TACR3: variants seen among roughly 807,000 people sequenced by gnomAD.
TACR3 encodes the protein neuromedin-K receptor.
A neutral mutation model predicts 35.0 loss-of-function variants in TACR3; 34 were observed. The observed-to-expected ratio is 0.97, with a 90% CI of 0.74 to 1.30. TACR3 has a LOEUF of 1.30. TACR3 is among the 50% of genes most tolerant of loss of function. The probability of loss-of-function intolerance (pLI) is 0.00; values close to 1 mark genes in which losing one functional copy is unlikely to be tolerated. For missense variants in TACR3, 558 were observed against 591.7 expected, an observed-to-expected ratio of 0.94 and a Z score of 0.59; for synonymous variants, 233 against 221.1, an observed-to-expected ratio of 1.05 and a Z score of -0.48.
chr4:103,674,977 G>A (rs1245247719), intron 1 of TACR3, among the ~76,000 whole-genome samples: 1 of 152,116 alleles, frequency 6.6e-6, no homozygotes, highest in Non-Finnish European at 1.5e-5. Flanking sequence ...AAGAATGAAT[G>A]GCTTCAGAAG....
chr4:103,627,629 C>T (rs531289561), intron 3 of TACR3, among the ~76,000 whole-genome samples: 4 of 152,016 alleles, frequency 2.6e-5, no homozygotes, highest in Non-Finnish European at 4.4e-5. Context: ...TACAGGAGCA[C>T]CCAGATTCAT....
intron 3 of TACR3, among the ~76,000 whole-genome samples, chr4:103,616,752 G>T (rs1724669925): frequency 6.6e-6 from 1 of 152,100 alleles, no homozygotes; most frequent in Non-Finnish European, 1.5e-5. Flanking sequence ...TTTGAGACCA[G>T]CCTGAGCAAC....
intron 3 of TACR3, among the ~76,000 whole-genome samples, chr4:103,615,763 C>G (rs921989065): frequency 8.5e-5 from 13 of 152,162 alleles, no homozygotes; most frequent in African/African-American, 3.1e-4. Context: ...AGTACACAGA[C>G]TCTAATGGCA....
At position 103,589,569 on chromosome 4, in the gene TACR3, A is replaced by T. The variant is rs2110281901; in HGVS notation, c.*113T>A. 1 of 1,249,834 alleles carries T rather than the reference A, an allele frequency of 8.0e-7. No homozygotes were observed. The highest frequency in any genetic ancestry group is 1.3e-5 in the South Asian group (1 of 79,276). 77.4% of individuals were successfully genotyped at this position (1,249,834 alleles called of 1,614,324 possible). On this transcript the variant is annotated 3_prime_UTR_variant, in exon 5 of 5. Transcript: ENST00000304883. Reference sequence around the variant, plus strand: ...CTCAATTTGACCATAGCTGCCTAAAAATTGCTTTCTGTTTCTAGAGGGTAT... The same window carrying T: ...CTCAATTTGACCATAGCTGCCTAAATATTGCTTTCTGTTTCTAGAGGGTAT...
intron 1 of TACR3, among the ~76,000 whole-genome samples, chr4:103,701,339 C>T (rs1171462602): frequency 6.3e-4 from 96 of 151,808 alleles, no homozygotes; most frequent in African/African-American, 2.0e-3. Flanking sequence ...ATCCAACTTA[C>T]AAGGGACGTG....
intron 3 of TACR3, among the ~76,000 whole-genome samples, chr4:103,601,309 A>G (rs1263643815): frequency 6.6e-6 from 1 of 151,974 alleles, no homozygotes; most frequent in African/African-American, 2.4e-5. Flanking sequence ...TTTCCTGAAT[A>G]CAGCACACTG....
chr4:103,641,643 T>C (rs1309454440), intron 3 of TACR3, among the ~76,000 whole-genome samples: 1 of 151,992 alleles, frequency 6.6e-6, no homozygotes, highest in Non-Finnish European at 1.5e-5. Context: ...CCCAAAGGAA[T>C]TGAAATGAGT....
intron 3 of TACR3, among the ~76,000 whole-genome samples, chr4:103,616,741 G>A (rs1281539628): frequency 6.6e-6 from 1 of 152,156 alleles, no homozygotes; most frequent in African/African-American, 2.4e-5. Flanking sequence ...GAGCCTAGGA[G>A]TTTGAGACCA....
intron 3 of TACR3, among the ~76,000 whole-genome samples, chr4:103,612,202 G>T (rs1724529524): frequency 1.3e-5 from 2 of 152,034 alleles, no homozygotes; most frequent in Admixed American, 6.6e-5. Flanking sequence ...CCAACATCCT[G>T]ACTTCTTTCT....
intron 3 of TACR3, among the ~76,000 whole-genome samples, chr4:103,603,524 A>G (rs1724264315): frequency 6.6e-6 from 1 of 152,166 alleles, no homozygotes; most frequent in Non-Finnish European, 1.5e-5. Flanking sequence ...ATGGCGGCAT[A>G]GTATTCCATG....
At chr4:103,605,960 C>CTAACAT (rs1724349833) in intron 3 of TACR3, among the ~76,000 whole-genome samples, 3 of 151,840 alleles carry the variant, frequency 2.0e-5, no homozygotes, top group African/African-American at 7.3e-5. Flanking sequence ...GGTTTTAGGT[C>CTAACAT]GTACGTTTAA....
chr4:103,600,760 T>C (rs1724178912), intron 3 of TACR3, among the ~76,000 whole-genome samples: 1 of 152,226 alleles, frequency 6.6e-6, no homozygotes, highest in African/African-American at 2.4e-5. Flanking sequence ...TTCCATGTAG[T>C]TGAGCAGTTT....
intron 1 of TACR3, among the ~76,000 whole-genome samples, chr4:103,698,846 C>T (rs1169484353): frequency 1.3e-5 from 2 of 151,972 alleles, no homozygotes; most frequent in Non-Finnish European, 2.9e-5. Flanking sequence ...GTAATGAATA[C>T]CCCAATTACC....
chr4:103,591,735 A>G, intron 3 of TACR3, 52 bp from the exon 4 acceptor site: 1 of 1,505,754 alleles, frequency 6.6e-7, no homozygotes, highest in Non-Finnish European at 9.0e-7. Context: ...TAATAGTTCC[A>G]ATAGCTTATT....
Position 103,618,564 on chromosome 4 carries a change from CTTTTTTTTTTTTTT to C in TACR3, c.889-26895_889-26882del, listed in dbSNP as rs57837921. Among the ~76,000 whole-genome samples the C allele has an allele frequency of 5.0e-4, 31 of 61,454 alleles. 1 individual carries two copies. The highest frequency in any genetic ancestry group is 0.014 in the Middle Eastern group (1 of 70). 40.3% of individuals were successfully genotyped at this position (61,454 alleles called of 152,430 possible). A position where few individuals can be genotyped will look rare whatever the true frequency, so the allele number is the denominator to read the frequency against. Reference sequence around the variant, plus strand: ...CTTAGGATTGCTTTGGTGACTTGGGCTTTTTTTTTTTTTTTTTTTTTTTTTTTGTTCCATATGAA... The same window carrying C: ...CTTAGGATTGCTTTGGTGACTTGGGCTTTTTTTTTTTTTGTTCCATATGAA... On this transcript the variant is annotated intron_variant, in intron 3 of 4. Transcript: ENST00000304883.
rs1224916226 is a variant in TACR3, at chr4:103,719,692, TCCC to T, written c.-20_-18del. The T allele has an allele frequency of 1.2e-6, 2 of 1,605,200 alleles. No homozygotes were observed. Among genetic ancestry groups the T allele is most frequent in the African/African-American group, 2.7e-5 (2 of 74,906 alleles). ...AGTGGCCATCGCCACCGGTCTGCAG[TCCC>T]GGACCCTCCCACTCACCCACGGGCA... On this transcript the variant is annotated 5_prime_UTR_variant, in exon 1 of 5. Coordinates refer to ENST00000304883, the MANE Select transcript of TACR3 (RefSeq NM_001059.3).
At position 103,719,787 on chromosome 4, in the gene TACR3, A is replaced by C; in HGVS notation, c.-112T>G. 1 of 1,362,718 alleles carries C rather than the reference A, an allele frequency of 7.3e-7. No individual in the cohort carries two copies. Among genetic ancestry groups the C allele is most frequent in the Non-Finnish European group, 1.0e-6 (1 of 987,122 alleles). The allele number at this position is 1,362,718 out of a possible 1,614,324, so 84.4% of individuals were successfully genotyped here. ...GTCACTTTGGTGCCGGAGTCTTCAG[A>C]TAAGACTGGAAGCTGAAAGATACTG... On this transcript the variant is annotated 5_prime_UTR_variant, in exon 1 of 5. Transcript: ENST00000304883.
chr4:103,703,836 C>T (rs142069729), intron 1 of TACR3, among the ~76,000 whole-genome samples: 2,491 of 152,050 alleles, frequency 0.016, 74 homozygotes, highest in African/African-American at 0.057. Flanking sequence ...CGTGGTGGCT[C>T]ACGCCTGTAA....
intron 3 of TACR3, among the ~76,000 whole-genome samples, chr4:103,601,228 T>C (rs944313273): frequency 6.6e-6 from 1 of 152,132 alleles, no homozygotes; most frequent in Non-Finnish European, 1.5e-5. Flanking sequence ...TTTTTTGTTT[T>C]CCATTTGCTT....
Sources: allele counts gnomAD v4.1 joint callset (sites outside exome capture counted in the v4.1 genomes callset), GRCh38; gene constraint gnomAD v4.1.1; transcripts MANE v1.5; gene names NCBI Gene and HGNC (gene_info 2026-07-23, HGNC 2026-07-21).